ERC2: variants seen among roughly 807,000 people sequenced by gnomAD.
The protein encoded by ERC2 is ELKS/RAB6-interacting/CAST family member 2, also known as ERC protein 2.
A neutral mutation model predicts 114.8 loss-of-function variants in ERC2; 42 were observed. The observed-to-expected ratio is 0.37, with a 90% confidence interval of 0.29 to 0.47. The LOEUF is 0.47. Ranked by LOEUF, ERC2 falls within the 20% of genes least tolerant of loss-of-function variation. The pLI is 0.99. For missense variants in ERC2, 939 were observed against 1,150.7 expected (o/e 0.82, Z 2.66); for synonymous variants, 454 against 425.5 (o/e 1.07, Z -0.82).
chr3:55,590,453 T>G (rs932136186), intron 17 of ERC2, among the ~76,000 whole-genome samples: 1 of 152,238 alleles, frequency 6.6e-6, no homozygotes, highest in African/African-American at 2.4e-5. Context: ...ACATAAATGA[T>G]GTTCACTGCA....
chr3:55,844,606 T>G (rs1363504290), intron 14 of ERC2, among the ~76,000 whole-genome samples: 1 of 152,178 alleles, frequency 6.6e-6, no homozygotes, highest in Non-Finnish European at 1.5e-5. Context: ...ATCTAGACAT[T>G]AGTTACATGG....
rs190404531 is a variant in ERC2, at chr3:56,340,528, G to C, written c.658-44093C>G. Among the ~76,000 whole-genome samples the C allele has an allele frequency of 2.0e-3, 276 of 135,036 alleles. 2 individuals carry two copies. Among genetic ancestry groups the C allele is most frequent in the South Asian group, 9.6e-3 (36 of 3,764 alleles). 88.6% of individuals were successfully genotyped at this position (135,036 alleles called of 152,430 possible). On this transcript the variant is annotated intron_variant, in intron 2 of 17. Transcript: ENST00000288221. Reference sequence around the variant, plus strand: ...TGTGTGTGTGTTTGTGTGTGAGAGAGAGAGAGAGAGTGAATGTGTGTGTGT... The same window carrying C: ...TGTGTGTGTGTTTGTGTGTGAGAGACAGAGAGAGAGTGAATGTGTGTGTGT...
intron 2 of ERC2, among the ~76,000 whole-genome samples, chr3:56,359,342 A>G (rs1434578317): frequency 2.6e-5 from 4 of 152,250 alleles, no homozygotes; most frequent in African/African-American, 9.6e-5. Flanking sequence ...CAGGAAGAAA[A>G]GCAAAAATGA....
intron 2 of ERC2, among the ~76,000 whole-genome samples, chr3:56,344,212 C>G (rs549325056): frequency 1.3e-5 from 2 of 152,292 alleles, no homozygotes; most frequent in Admixed American, 1.3e-4. Flanking sequence ...GAGAAAAGGG[C>G]CAAGGCAGGC....
chr3:56,022,555 T>TA (rs1044498404), intron 7 of ERC2, among the ~76,000 whole-genome samples: 1 of 152,012 alleles, frequency 6.6e-6, no homozygotes, highest in Non-Finnish European at 1.5e-5. Context: ...CTGTATCTTT[T>TA]AAAAAAAAGT....
chr3:55,778,769 A>C (rs927762023), intron 14 of ERC2, among the ~76,000 whole-genome samples: 14 of 152,220 alleles, frequency 9.2e-5, no homozygotes, highest in African/African-American at 3.4e-4. Flanking sequence ...AAGACATGTG[A>C]ATGACTAATT....
At chr3:56,407,247 C>G (rs2060765015) in intron 2 of ERC2, among the ~76,000 whole-genome samples, 1 of 152,090 alleles carries the variant, frequency 6.6e-6, no homozygotes, top group African/African-American at 2.4e-5. Flanking sequence ...CTTAGAAGAT[C>G]AAAAAGTATT....
intron 17 of ERC2, among the ~76,000 whole-genome samples, chr3:55,646,019 A>C (rs1395566192): frequency 6.6e-6 from 1 of 152,184 alleles, no homozygotes; most frequent in Non-Finnish European, 1.5e-5. Flanking sequence ...TTAGTCTATG[A>C]ACTCTACTCT....
intron 6 of ERC2, among the ~76,000 whole-genome samples, chr3:56,094,661 C>A (rs996364508): frequency 6.6e-6 from 1 of 152,144 alleles, no homozygotes; most frequent in Non-Finnish European, 1.5e-5. Flanking sequence ...TGTATTGAAA[C>A]ATATTTAAAG....
At chr3:55,699,571 A>G (rs746618431) in intron 15 of ERC2, 59 bp from the exon 16 acceptor site, 57 of 1,546,304 alleles carry the variant, frequency 3.7e-5, no homozygotes, top group Non-Finnish European at 5.0e-5. Context: ...AGTCAAAGAG[A>G]TTCAGGGCAT....
At chr3:55,581,572 C>T (rs1373289873) in intron 17 of ERC2, among the ~76,000 whole-genome samples, 4 of 152,090 alleles carry the variant, frequency 2.6e-5, no homozygotes, top group African/African-American at 4.8e-5. Flanking sequence ...AATGGTGCTC[C>T]TCTGGTGAAA....
At chr3:55,530,311 T>C (rs2053586265) in intron 17 of ERC2, among the ~76,000 whole-genome samples, 1 of 152,188 alleles carries the variant, frequency 6.6e-6, no homozygotes, top group African/African-American at 2.4e-5. Context: ...TCACAGCTAC[T>C]CAATTCTGCA....
intron 7 of ERC2, among the ~76,000 whole-genome samples, chr3:56,078,745 T>C (rs962074279): frequency 5.3e-5 from 8 of 152,100 alleles, no homozygotes; most frequent in African/African-American, 1.7e-4. Context: ...CAAATATTTA[T>C]TAAGCATTTA....
intron 14 of ERC2, among the ~76,000 whole-genome samples, chr3:55,849,126 T>C (rs993989628): frequency 2.0e-5 from 3 of 152,330 alleles, no homozygotes; most frequent in Non-Finnish European, 2.9e-5. Context: ...TCATTTTCTA[T>C]GTGGACAAAA....
At chr3:55,777,217 G>A (rs573670637) in intron 14 of ERC2, among the ~76,000 whole-genome samples, 1 of 152,342 alleles carries the variant, frequency 6.6e-6, no homozygotes, top group South Asian at 2.1e-4. Context: ...TTAGTGCCAG[G>A]GACATCTGGC....
Position 55,543,588 on chromosome 3 carries a change from G to A in ERC2, c.*40-32312C>T, listed in dbSNP as rs147638372. On this transcript the variant is annotated intron_variant, in intron 17 of 17. Transcript: ENST00000288221. ...AGAGATGGTTCATGCAGATGACATG[G>A]TGTGTGGTCACCTTCACCCTGTAAG... 6.4e-4 allele frequency among the ~76,000 whole-genome samples: 97 copies of A among 152,282 alleles called. No individual in the cohort carries two copies. The East Asian group carries it at 0.018, about 28-fold the overall frequency.
intron 14 of ERC2, among the ~76,000 whole-genome samples, chr3:55,770,093 C>T (rs962984281): frequency 4.6e-5 from 7 of 152,158 alleles, no homozygotes; most frequent in African/African-American, 1.7e-4. Context: ...ACTTTAAGAG[C>T]CATTGTATGC....
chr3:55,598,212 A>G (rs2058239797), intron 17 of ERC2, among the ~76,000 whole-genome samples: 1 of 152,218 alleles, frequency 6.6e-6, no homozygotes, highest in South Asian at 2.1e-4. Context: ...AATTGACTCA[A>G]ATTATCATTT....
chr3:56,442,025 G>A (rs527343986), intron 1 of ERC2, among the ~76,000 whole-genome samples: 74 of 152,066 alleles, frequency 4.9e-4, no homozygotes, highest in Non-Finnish European at 9.4e-4. Flanking sequence ...TAATTAATTA[G>A]TTAATTTTTA....
Sources: allele counts gnomAD v4.1 joint callset (sites outside exome capture counted in the v4.1 genomes callset), GRCh38; gene constraint gnomAD v4.1.1; transcripts MANE v1.5; gene names NCBI Gene and HGNC (gene_info 2026-07-23, HGNC 2026-07-21).